The following TIMMDC1 variants were observed in gnomAD, a reference collection of about 807,000 sequenced individuals.
TIMMDC1 encodes complex I assembly factor TIMMDC1, mitochondrial.
TIMMDC1 carries 25 observed loss-of-function variants against 32.6 expected under a neutral mutation model. That is an observed-to-expected ratio of 0.77 (90% confidence interval 0.56 to 1.07). The LOEUF (loss-of-function observed/expected upper bound fraction) is 1.07. Ranked by LOEUF, TIMMDC1 falls within the 50% of genes least tolerant of loss-of-function variation. The pLI, the probability that TIMMDC1 is intolerant of heterozygous loss-of-function variation, is 0.00. For synonymous variants in TIMMDC1, 130 were observed against 127.6 expected (o/e 1.02, Z -0.13); for missense variants, 329 against 349.2 (o/e 0.94, Z 0.46).
At chr3:119,498,967 G>A (rs1453790282) in intron 1 of TIMMDC1, 40 bp downstream of exon 1, 1 of 1,599,280 alleles carries the variant, frequency 6.3e-7, no homozygotes, top group Non-Finnish European at 8.6e-7. Context: ...AGGGGGCCGC[G>A]AAAGCGGTGT....
intron 4 of TIMMDC1, among the ~76,000 whole-genome samples, chr3:119,508,975 G>C (rs180816917): frequency 6.6e-6 from 1 of 152,268 alleles, no homozygotes; most frequent in Non-Finnish European, 1.5e-5. Context: ...GGAGGCTGAG[G>C]CAGGCAGATC....
In TIMMDC1 at chr3:119,517,835, G is replaced by A. The variant is rs532968755; in HGVS notation, c.707+520G>A. On this transcript the variant is annotated intron_variant, in intron 6 of 6. Coordinates refer to ENST00000494664, the MANE Select transcript of TIMMDC1 (RefSeq NM_016589.4). ...GTACAAAAATTAGCTGGGCATGGTG[G>A]CACGTGCCTGTAGTCCCAGCTACTC... is the stretch of plus-strand genomic sequence containing the variant. 1.1e-4 allele frequency among the ~76,000 whole-genome samples: 17 copies of A among 152,220 alleles called. No individual in the cohort carries two copies. In the South Asian group the frequency reaches 3.5e-3, roughly 32 times the overall value.
intron 4 of TIMMDC1, among the ~76,000 whole-genome samples, chr3:119,506,255 T>C (rs557165539): frequency 5.4e-4 from 82 of 152,320 alleles, no homozygotes; most frequent in African/African-American, 2.0e-3. Flanking sequence ...CCAGGCACAG[T>C]GGCTCACGCC....
chr3:119,517,313 G>C lies in TIMMDC1; in HGVS notation c.705G>C (p.Glu235Asp), dbSNP rs150396264. 9 of 1,605,100 alleles carry C rather than the reference G, an allele frequency of 5.6e-6. No homozygotes were observed. Among genetic ancestry groups the C allele is most frequent in the Non-Finnish European group, 7.7e-6 (9 of 1,171,896 alleles). Residue 235 changes from glutamate (E) to aspartate (D), a missense_variant and splice_region_variant, in exon 6 of 7, where the codon GAG becomes GAC. Transcript: ENST00000494664. ...RKALHELKLE[E>D]WKGRLQVTEH... ...CACTCCATGAGCTAAAACTGGAAGA[G>C]TGGTAAGGAACATGTTGAGCCCAGG...
chr3:119,514,759 G>T (rs1033408757), intron 5 of TIMMDC1, among the ~76,000 whole-genome samples: 4 of 152,272 alleles, frequency 2.6e-5, no homozygotes, highest in African/African-American at 9.6e-5. Flanking sequence ...TTGTAGTTCT[G>T]TAGATTATAA....
intron 4 of TIMMDC1, among the ~76,000 whole-genome samples, chr3:119,505,079 C>CAA (rs11290294): frequency 3.1e-5 from 3 of 95,848 alleles, no homozygotes; most frequent in Admixed American, 1.1e-4. Context: ...ACTCTTGTCT[C>CAA]AAAAAAAAAA....
chr3:119,516,344 C>T (rs991632032), intron 5 of TIMMDC1, among the ~76,000 whole-genome samples: 4 of 152,186 alleles, frequency 2.6e-5, no homozygotes, highest in Non-Finnish European at 5.9e-5. Flanking sequence ...GAATCATACA[C>T]TATTTGTCCT....
At position 119,507,927 on chromosome 3, in the gene TIMMDC1, G is replaced by T. The variant is rs185088742; in HGVS notation, c.517+3906G>T. On this transcript the variant is annotated intron_variant, in intron 4 of 6. Transcript: ENST00000494664. ...TTTTTCCTCTCCTTTGGTGGGACAG[G>T]ATACTACAGTGGGTTGGAATGGGTA... Among the ~76,000 whole-genome samples the T allele has an allele frequency of 2.0e-5, 3 of 152,264 alleles. No homozygotes were observed. The East Asian group carries it at 5.8e-4, about 29-fold the overall frequency.
chr3:119,510,985 C>T (rs1033204033), intron 4 of TIMMDC1, among the ~76,000 whole-genome samples: 1 of 152,166 alleles, frequency 6.6e-6, no homozygotes, highest in Non-Finnish European at 1.5e-5. Context: ...TACTAATGGC[C>T]TGCTGTTATC....
intron 2 of TIMMDC1, among the ~76,000 whole-genome samples, chr3:119,503,232 A>G (rs1272757703): frequency 6.6e-6 from 1 of 152,198 alleles, no homozygotes; most frequent in Non-Finnish European, 1.5e-5. Flanking sequence ...AGTAAGTGTT[A>G]AAAGCGCATA....
rs549858257 is a variant in TIMMDC1 at position 119,511,592 on chromosome 3, AG to A, written c.518-2047del. 8.5e-5 allele frequency among the ~76,000 whole-genome samples: 13 copies of A among 152,344 alleles called. No individual in the cohort carries two copies. In the East Asian group the frequency reaches 2.3e-3, roughly 27 times the overall value. ...CATAAGAACTAAGAAACTAGGAAAC[AG>A]GAAACACAGTTTTGGCCACATAAAA... On this transcript the variant is annotated intron_variant, in intron 4 of 6. Transcript: ENST00000494664.
At chr3:119,510,358 A>G (rs1163606662) in intron 4 of TIMMDC1, among the ~76,000 whole-genome samples, 2 of 152,224 alleles carry the variant, frequency 1.3e-5, no homozygotes, top group Non-Finnish European at 2.9e-5. Context: ...AACAGTTGAT[A>G]GTTAACCCAG....
At chr3:119,521,908 T>C (rs1300453827) in intron 6 of TIMMDC1, among the ~76,000 whole-genome samples, 3 of 151,926 alleles carry the variant, frequency 2.0e-5, no homozygotes, top group Admixed American at 2.0e-4. Context: ...AGACAAAAAA[T>C]AAATTTTGGC....
chr3:119,520,293 CAAAA>C (rs369514788), intron 6 of TIMMDC1, among the ~76,000 whole-genome samples: 1 of 151,390 alleles, frequency 6.6e-6, no homozygotes. Flanking sequence ...TAAAAACAAA[CAAAA>C]AAACACAAAA....
chr3:119,503,613 A>G lies in TIMMDC1; in HGVS notation c.442A>G (p.Ile148Val), dbSNP rs952816696. Reference protein sequence around the residue: ...WGWRTAVFVTIFNTVNTSLNV... With the variant: ...WGWRTAVFVTVFNTVNTSLNV... Reference sequence around the variant, plus strand: ...TTGGAGAACTGCAGTGTTTGTGACTATATTCAAGTAAGTTCACTCTGAATT... The same window carrying G: ...TTGGAGAACTGCAGTGTTTGTGACTGTATTCAAGTAAGTTCACTCTGAATT... The change falls in exon 3 of 7, where the codon ATA (isoleucine) becomes GTA (valine). Residue 148 changes from isoleucine (I) to valine (V), a missense_variant. By Grantham distance (29) the Ile-to-Val change is conservative. Transcript: ENST00000494664. 24 of 1,605,954 alleles carry G rather than the reference A, an allele frequency of 1.5e-5. No individual in the cohort carries two copies. Among genetic ancestry groups the G allele is most frequent in the Non-Finnish European group, 2.0e-5 (23 of 1,176,520 alleles).
At position 119,498,675 on chromosome 3, in the gene TIMMDC1, C is replaced by A; in HGVS notation, c.-59C>A. ...CGTACAGTTACGCTCTCCCGCGGCACGTCCGCGAGGACTTGAAGTCCTGAG... is the reference window on the plus strand; with the variant it reads ...CGTACAGTTACGCTCTCCCGCGGCAAGTCCGCGAGGACTTGAAGTCCTGAG... On this transcript the variant is annotated 5_prime_UTR_variant, in exon 1 of 7. Transcript: ENST00000494664. The A allele has an allele frequency of 6.5e-7, 1 of 1,537,820 alleles. No individual in the cohort carries two copies. Among genetic ancestry groups the A allele is most frequent in the Non-Finnish European group, 8.9e-7 (1 of 1,118,636 alleles).
chr3:119,498,567 A>G lies in TIMMDC1; in HGVS notation c.-167A>G. 1 of 656,286 alleles carries G rather than the reference A, an allele frequency of 1.5e-6. No homozygotes were observed. The highest frequency in any genetic ancestry group is 2.9e-5 in the Admixed American group (1 of 34,370). The allele number at this position is 656,286 out of a possible 1,614,324, so 40.7% of individuals were successfully genotyped here. A position where few individuals can be genotyped will look rare whatever the true frequency, so the allele number is the denominator to read the frequency against. On this transcript the variant is annotated 5_prime_UTR_variant, in exon 1 of 7. Transcript: ENST00000494664. ...CCTGTGTCGTATTTCCAAGGACTCC[A>G]AAGCGAGGCCGGGGACTGAAGGTGT... is the stretch of plus-strand genomic sequence containing the variant.
Position 119,513,678 on chromosome 3 carries a change from G to C in TIMMDC1, c.555G>C (p.Leu185=). The C allele has an allele frequency of 1.9e-6, 3 of 1,610,570 alleles. No individual in the cohort carries two copies. Among genetic ancestry groups the C allele is most frequent in the Non-Finnish European group, 2.5e-6 (3 of 1,178,722 alleles). Residue 185 remains leucine, a synonymous_variant, in exon 5 of 7, where the codon CTG becomes CTC. Transcript: ENST00000494664. Reference sequence around the variant, plus strand: ...GTCTTTTTAGGATAAACGTAGGCCTGCGTGGCCTGGTGGCTGGTGGCATAA... The same window carrying C: ...GTCTTTTTAGGATAAACGTAGGCCTCCGTGGCCTGGTGGCTGGTGGCATAA... ...TGSLFRINVG[L]RGLVAGGIIG...
Position 119,523,990 on chromosome 3 carries a change from A to G in TIMMDC1, c.*234A>G, listed in dbSNP as rs1350295444. ...TACATACTTATGTTTGTATTAATCT[A>G]TCAATATATGCATACATGAATATAT... On this transcript the variant is annotated 3_prime_UTR_variant, in exon 7 of 7. Transcript: ENST00000494664. 8.2e-6 allele frequency: 3 copies of G among 366,206 alleles called. No individual in the cohort carries two copies. The highest frequency in any genetic ancestry group is 4.1e-5 in the African/African-American group (2 of 48,362). The allele number at this position is 366,206 out of a possible 1,614,324, so 22.7% of individuals were successfully genotyped here.
Sources: allele counts gnomAD v4.1 joint callset (sites outside exome capture counted in the v4.1 genomes callset), GRCh38; gene constraint gnomAD v4.1.1; transcripts MANE v1.5; gene names NCBI Gene and HGNC (gene_info 2026-07-23, HGNC 2026-07-21).